Variants in CNTN5 observed in about 807,000 individuals in gnomAD.
The protein encoded by CNTN5 is contactin 5, also known as contactin-5.
Under a neutral mutation model 129.1 loss-of-function variants are expected in CNTN5, and 77 were observed. That is an observed-to-expected ratio of 0.60 (90% CI 0.50 to 0.72). The LOEUF (loss-of-function observed/expected upper bound fraction) is 0.72. Ranked by LOEUF, CNTN5 falls within the 30% of genes least tolerant of loss-of-function variation. The pLI, the probability that CNTN5 is intolerant of heterozygous loss-of-function variation, is 0.00. For missense variants in CNTN5, 1,478 were observed against 1,328.8 expected, an observed-to-expected ratio of 1.11 and a Z score of -1.75; for synonymous variants, 509 against 465.6, an observed-to-expected ratio of 1.09 and a Z score of -1.20.
rs1591181553 is a variant in CNTN5, at chr11:100,071,983, A to G, written c.1429+149A>G. ...TACTATGTCTTGCTGATTTTTTTTA[A>G]CTTTAGTAGACAGGTTTATGTTGTG... On this transcript the variant is annotated intron_variant, in intron 12 of 24. Coordinates refer to ENST00000524871, the MANE Select transcript of CNTN5 (RefSeq NM_014361.4). The G allele has an allele frequency of 1.6e-5, 11 of 707,936 alleles. No homozygotes were observed. In the East Asian group the frequency reaches 2.8e-4, roughly 18 times the overall value. The allele number at this position is 707,936 out of a possible 1,614,324, so 43.9% of individuals were successfully genotyped here. A position where few individuals can be genotyped will look rare whatever the true frequency, so the allele number is the denominator to read the frequency against.
chr11:100,245,534 C>A (rs60381063), intron 16 of CNTN5, among the ~76,000 whole-genome samples: 3,752 of 152,034 alleles, frequency 0.025, 137 homozygotes, highest in African/African-American at 0.085. Flanking sequence ...AGTCCTTATA[C>A]CACACTGAGA....
At chr11:99,324,203 T>C (rs573933165) in intron 1 of CNTN5, among the ~76,000 whole-genome samples, 1 of 152,310 alleles carries the variant, frequency 6.6e-6, no homozygotes, top group African/African-American at 2.4e-5. Flanking sequence ...ACTGAAATAC[T>C]TTTTATCAAT....
intron 13 of CNTN5, among the ~76,000 whole-genome samples, chr11:100,093,431 T>A (rs186489737): frequency 1.0e-3 from 154 of 151,942 alleles, no homozygotes; most frequent in Admixed American, 2.4e-3. Context: ...CAGCTAAGTT[T>A]TTATTATTTT....
chr11:99,702,897 C>G (rs184605134), intron 3 of CNTN5, among the ~76,000 whole-genome samples: 18 of 150,998 alleles, frequency 1.2e-4, no homozygotes, highest in South Asian at 4.1e-4. Context: ...TGTGAGATAG[C>G]CTCTAGAAAG....
chr11:99,233,854 G>A (rs1173293568), intron 1 of CNTN5, among the ~76,000 whole-genome samples: 1 of 152,134 alleles, frequency 6.6e-6, no homozygotes, highest in South Asian at 2.1e-4. Flanking sequence ...GCTGAGGCAG[G>A]AGAATGGTGT....
At chr11:100,303,707 TGGA>T (rs1423281669) in intron 20 of CNTN5, among the ~76,000 whole-genome samples, 5 of 151,690 alleles carry the variant, frequency 3.3e-5, no homozygotes, top group African/African-American at 1.2e-4. Flanking sequence ...TCATTGCAAG[TGGA>T]GCTACCACAG....
intron 4 of CNTN5, among the ~76,000 whole-genome samples, chr11:99,831,307 CAA>C (rs1324827846): frequency 1.3e-5 from 2 of 152,096 alleles, no homozygotes; most frequent in South Asian, 2.1e-4. Context: ...GTTTTTCCTG[CAA>C]AAAGTTGTTG....
intron 3 of CNTN5, among the ~76,000 whole-genome samples, chr11:99,731,105 ATTTTTTTT>A (rs888534233): frequency 6.8e-6 from 1 of 148,058 alleles, no homozygotes; most frequent in Admixed American, 6.8e-5. Context: ...GGAAATCAGC[ATTTTTTTT>A]TTCTTTTTTT....
intron 1 of CNTN5, among the ~76,000 whole-genome samples, chr11:99,025,267 T>A (rs1863062017): frequency 6.6e-6 from 1 of 151,802 alleles, no homozygotes; most frequent in African/African-American, 2.4e-5. Context: ...TACTAGAAAA[T>A]ATGGAGCCAA....
At chr11:99,893,535 A>C (rs1949120522) in intron 6 of CNTN5, among the ~76,000 whole-genome samples, 1 of 152,216 alleles carries the variant, frequency 6.6e-6, no homozygotes, top group South Asian at 2.1e-4. Context: ...TCAGACACAG[A>C]AAGCACAATA....
intron 7 of CNTN5, among the ~76,000 whole-genome samples, chr11:99,952,557 G>C (rs1328066802): frequency 6.6e-6 from 1 of 151,610 alleles, no homozygotes; most frequent in Non-Finnish European, 1.5e-5. Flanking sequence ...TTTGATTTGG[G>C]GTCTAACTCT....
chr11:99,151,659 C>T (rs1239303233), intron 1 of CNTN5, among the ~76,000 whole-genome samples: 1 of 152,054 alleles, frequency 6.6e-6, no homozygotes, highest in Non-Finnish European at 1.5e-5. Context: ...AACCCAAATG[C>T]CCATCAATGT....
chr11:99,382,125 G>A lies in CNTN5; in HGVS notation c.-71+56641G>A, dbSNP rs375440499. ...TTGGTATGAGAGTACAATAATCAGC[G>A]AAACTTGGTTCAAGTGTCCTATGCT... On this transcript the variant is annotated intron_variant, in intron 2 of 24. Coordinates refer to ENST00000524871, the MANE Select transcript of CNTN5 (RefSeq NM_014361.4). Among the ~76,000 whole-genome samples the A allele has an allele frequency of 3.9e-5, 6 of 152,258 alleles. No individual in the cohort carries two copies. The South Asian group carries it at 8.3e-4, about 21-fold the overall frequency.
At chr11:99,156,769 C>G (rs996139482) in intron 1 of CNTN5, among the ~76,000 whole-genome samples, 1 of 151,900 alleles carries the variant, frequency 6.6e-6, no homozygotes, top group Non-Finnish European at 1.5e-5. Context: ...TATATGTCTA[C>G]ACATATAGTT....
intron 1 of CNTN5, among the ~76,000 whole-genome samples, chr11:99,278,337 T>G (rs1197625398): frequency 6.6e-6 from 1 of 151,636 alleles, no homozygotes; most frequent in African/African-American, 2.4e-5. Context: ...TGGAGATGAG[T>G]AAATATCACT....
At chr11:99,765,124 T>A (rs1944709470) in intron 3 of CNTN5, among the ~76,000 whole-genome samples, 1 of 152,050 alleles carries the variant, frequency 6.6e-6, no homozygotes, top group Non-Finnish European at 1.5e-5. Context: ...TAAAATATTA[T>A]TACATGTCAA....
chr11:99,694,481 C>G (rs562798051), intron 3 of CNTN5, among the ~76,000 whole-genome samples: 21 of 152,062 alleles, frequency 1.4e-4, no homozygotes, highest in Non-Finnish European at 2.6e-4. Flanking sequence ...AAGTGAGTAA[C>G]AGTTTTAGAC....
At chr11:99,091,343 A>T (rs772543152) in intron 1 of CNTN5, among the ~76,000 whole-genome samples, 85 of 152,298 alleles carry the variant, frequency 5.6e-4, no homozygotes, top group Middle Eastern at 3.4e-3. Flanking sequence ...TAATCAGGAA[A>T]ACAGAACAAA....
intron 16 of CNTN5, among the ~76,000 whole-genome samples, chr11:100,233,979 A>T (rs1054832602): frequency 6.6e-6 from 1 of 152,218 alleles, no homozygotes; most frequent in African/African-American, 2.4e-5. Context: ...CCCATCAAAA[A>T]GTGGGCAAAG....
Sources: allele counts gnomAD v4.1 joint callset (sites outside exome capture counted in the v4.1 genomes callset), GRCh38; gene constraint gnomAD v4.1.1; transcripts MANE v1.5; gene names NCBI Gene and HGNC (gene_info 2026-07-23, HGNC 2026-07-21).